Variants in ITGA3 observed in about 807,000 individuals in gnomAD.
ITGA3 encodes the protein integrin alpha-3.
In ITGA3, 70 loss-of-function variants were observed where a neutral mutation model predicts 131.1. The observed-to-expected ratio is 0.53, with a 90% CI of 0.44 to 0.65. The LOEUF (loss-of-function observed/expected upper bound fraction) is 0.65. Among genes scored for constraint, ITGA3 ranks in the 30% least tolerant of loss-of-function variants. The probability of loss-of-function intolerance (pLI) is 0.00; values close to 1 mark genes in which losing one functional copy is unlikely to be tolerated. For missense variants in ITGA3, 1,098 were observed against 1,388.6 expected, an observed-to-expected ratio of 0.79 and a Z score of 3.33; for synonymous variants, 537 against 571.6, an observed-to-expected ratio of 0.94 and a Z score of 0.86.
At chr17:50,058,979 G>A (rs768546488) in intron 1 of ITGA3, among the ~76,000 whole-genome samples, 2 of 152,204 alleles carry the variant, frequency 1.3e-5, no homozygotes, top group Non-Finnish European at 2.9e-5. Flanking sequence ...CACTGCCCTG[G>A]GGGTGGGAGG....
chr17:50,081,207 A>T, intron 22 of ITGA3, 103 bp from the exon 23 acceptor site: 1 of 686,934 alleles, frequency 1.5e-6, no homozygotes, highest in Non-Finnish European at 2.6e-6. Flanking sequence ...CTGTTTAAGG[A>T]TGCTACTTGG....
rs899674010 is a variant in ITGA3 at position 50,056,775 on chromosome 17, G to C, written c.206+130G>C. Reference sequence around the variant, plus strand: ...AGGATTAAGGGGCGGCCCTCTGGCTGCTGGGGGTTGGCGGGAAGTGGAGGA... The same window carrying C: ...AGGATTAAGGGGCGGCCCTCTGGCTCCTGGGGGTTGGCGGGAAGTGGAGGA... On this transcript the variant is annotated intron_variant, in intron 1 of 25. Transcript: ENST00000320031. The surrounding 1 kb of genome is among the most constrained non-coding windows in gnomAD (Gnocchi z 5.6). 3.3e-6 allele frequency: 3 copies of C among 912,464 alleles called. No individual in the cohort carries two copies. In the South Asian group the frequency reaches 5.2e-5, roughly 16 times the overall value. The allele number at this position is 912,464 out of a possible 1,614,324, so 56.5% of individuals were successfully genotyped here. A position where few individuals can be genotyped will look rare whatever the true frequency, so the allele number is the denominator to read the frequency against.
intron 14 of ITGA3, 49 bp downstream of exon 14, chr17:50,076,730 C>G (rs111228353): frequency 1.2e-5 from 18 of 1,486,378 alleles, no homozygotes; most frequent in Non-Finnish European, 1.7e-5. Context: ...TGGGACGGGG[C>G]CTCATTAACT....
chr17:50,058,174 C>G (rs1297408297), intron 1 of ITGA3, among the ~76,000 whole-genome samples: 1 of 152,232 alleles, frequency 6.6e-6, no homozygotes, highest in Non-Finnish European at 1.5e-5. Context: ...CAAGATATTT[C>G]CCCTCCCTGG....
chr17:50,090,164 A>AG lies in ITGA3; in HGVS notation c.*1091dup. ...AGCGACACTTGAATGTAGAATAGGC[A>AG]GGGGGCCCTGCCCCACCCCATCCAG... On this transcript the variant is annotated 3_prime_UTR_variant, in exon 26 of 26. Coordinates refer to ENST00000320031, the MANE Select transcript of ITGA3 (RefSeq NM_002204.4). 2.3e-6 allele frequency: 1 copy of AG among 443,710 alleles called. No homozygotes were observed. The allele number at this position is 443,710 out of a possible 1,614,324, so 27.5% of individuals were successfully genotyped here.
At chr17:50,077,520 A>G in intron 16 of ITGA3, 73 bp downstream of exon 16, 1 of 1,185,996 alleles carries the variant, frequency 8.4e-7, no homozygotes, top group Non-Finnish European at 1.3e-6. Flanking sequence ...TTGTCCTTCC[A>G]GCCTCTGCCT....
At chr17:50,076,182 C>G (rs1199096892) in intron 12 of ITGA3, 144 bp from the exon 13 acceptor site, 3 of 879,362 alleles carry the variant, frequency 3.4e-6, no homozygotes, top group Non-Finnish European at 5.1e-6. Context: ...ATTTGGCGAC[C>G]GGACTGGAGG....
chr17:50,064,813 G>T lies in ITGA3; in HGVS notation c.414+206G>T, dbSNP rs150015097. ...GTATCCTGTGCTCTCCCAAACCCCC[G>T]CACGGCCTGAGTTCTCTGACTCATC... On this transcript the variant is annotated intron_variant, in intron 3 of 25. Transcript: ENST00000320031. This position sits in a 1 kb window ranked among gnomAD's most constrained non-coding sequence, Gnocchi z 4.4. 5 of 522,754 alleles carry T rather than the reference G, an allele frequency of 9.6e-6. No individual in the cohort carries two copies. Among genetic ancestry groups the T allele is most frequent in the Non-Finnish European group, 1.7e-5 (5 of 295,174 alleles). The allele number at this position is 522,754 out of a possible 1,614,324, so 32.4% of individuals were successfully genotyped here.
In ITGA3 at chr17:50,072,154, T is replaced by C. The variant is rs1052867931; in HGVS notation, c.1128T>C (p.Ile376=). Residue 376 remains isoleucine (I), a synonymous_variant, in exon 7 of 26, where the codon ATT becomes ATC. Coordinates refer to ENST00000320031, the MANE Select transcript of ITGA3 (RefSeq NM_002204.4). Reference sequence around the variant, plus strand: ...CCTTTGGTTTATCTGTGGCCAGCATTGGTGACATCAACCAGGATGGATTTC... The same window carrying C: ...CCTTTGGTTTATCTGTGGCCAGCATCGGTGACATCAACCAGGATGGATTTC... ...GSAFGLSVAS[I]GDINQDGFQD... 6.2e-7 allele frequency: 1 copy of C among 1,613,678 alleles called. No homozygotes were observed. The highest frequency in any genetic ancestry group is 2.2e-5 in the East Asian group (1 of 44,872).
chr17:50,088,296 C>T lies in ITGA3; in HGVS notation c.3117C>T (p.Ser1039=), dbSNP rs1313903655. Residue 1039 remains serine, a synonymous_variant, in exon 25 of 26, where the codon AGC becomes AGT. Coordinates refer to ENST00000320031, the MANE Select transcript of ITGA3 (RefSeq NM_002204.4). ...EAKRQKAEMK[S]QPSETERLTD... is the part of the protein sequence containing the mutation. ...AGAGGCAGAAGGCGGAGATGAAGAG[C>T]CAGCCGTCAGAGACAGAGAGGCTGA... 1.4e-5 allele frequency: 22 copies of T among 1,588,888 alleles called. No homozygotes were observed. Among genetic ancestry groups the T allele is most frequent in the Non-Finnish European group, 1.9e-5 (22 of 1,167,890 alleles).
At position 50,071,349 on chromosome 17, in the gene ITGA3, A is replaced by C; in HGVS notation, c.790A>C (p.Lys264Gln). The C allele has an allele frequency of 6.2e-7, 1 of 1,613,980 alleles. No homozygotes were observed. The highest frequency in any genetic ancestry group is 8.5e-7 in the Non-Finnish European group (1 of 1,179,978). Residue 264 changes from lysine to glutamine, a missense_variant, in exon 6 of 26, where the codon AAA (lysine) becomes CAA (glutamine). Physicochemically the swap from Lys to Gln is moderately conservative, Grantham distance 53. Around this residue, in one of 3 missense-constraint regions of ITGA3, gnomAD observed 356 missense variants for 529.2 expected, o/e 0.67. Coordinates refer to ENST00000320031, the MANE Select transcript of ITGA3 (RefSeq NM_002204.4). ...MQVGSFILHP[K>Q]NITIVTGAPR... ...GGTAGGCAGCTTCATCCTGCACCCC[A>C]AAAACATCACCATTGTGACAGGTGC...
intron 3 of ITGA3, 108 bp from the exon 4 acceptor site, chr17:50,067,948 T>C (rs1355370068): frequency 7.1e-7 from 1 of 1,417,764 alleles, no homozygotes; most frequent in Non-Finnish European, 9.6e-7. Context: ...AGCCAGGAGA[T>C]CTCCTTTGAC....
At chr17:50,061,866 C>T (rs980292154) in intron 1 of ITGA3, among the ~76,000 whole-genome samples, 2 of 151,938 alleles carry the variant, frequency 1.3e-5, no homozygotes, top group African/African-American at 2.4e-5. Context: ...ATGGCGAAAC[C>T]CCATCTCTAG....
At chr17:50,070,644 CAAA>C (rs59600840) in intron 4 of ITGA3, among the ~76,000 whole-genome samples, 197 bp from the exon 5 acceptor site, 14 of 69,422 alleles carry the variant, frequency 2.0e-4, no homozygotes, top group Non-Finnish European at 3.5e-4. Context: ...AAGACTGTCT[CAAA>C]AAAAAAAAAA....
intron 23 of ITGA3, among the ~76,000 whole-genome samples, chr17:50,082,580 G>C (rs1909234014): frequency 6.6e-6 from 1 of 152,060 alleles, no homozygotes; most frequent in Non-Finnish European, 1.5e-5. Flanking sequence ...CCAAAACACT[G>C]GGATTACAGG....
At chr17:50,079,665 A>G in intron 21 of ITGA3, 108 bp downstream of exon 21, 1 of 1,244,814 alleles carries the variant, frequency 8.0e-7, no homozygotes, top group Non-Finnish European at 1.0e-6. Flanking sequence ...TGAGGTGATG[A>G]GGCCCCTGCT....
chr17:50,061,535 G>A (rs1199428294), intron 1 of ITGA3, among the ~76,000 whole-genome samples: 2 of 84,690 alleles, frequency 2.4e-5, no homozygotes, highest in Non-Finnish European at 4.2e-5. Flanking sequence ...TAGTGTCACT[G>A]TAGAAAATTC....
At chr17:50,073,630 A>G (rs984102190) in intron 7 of ITGA3, among the ~76,000 whole-genome samples, 17 of 142,264 alleles carry the variant, frequency 1.2e-4, no homozygotes, top group Admixed American at 4.4e-4. Context: ...ACACACACAC[A>G]CACGCACACA....
chr17:50,073,395 T>TG (rs1908715038), intron 7 of ITGA3, among the ~76,000 whole-genome samples: 3 of 152,058 alleles, frequency 2.0e-5, no homozygotes, highest in Admixed American at 2.0e-4. Context: ...ATCTATAAAG[T>TG]GGGGGGATAA....
Sources: gnomAD v4.1 joint callset for allele counts (sites outside exome capture counted in the v4.1 genomes callset) on GRCh38, gnomAD v4.1.1 for gene constraint, gnomAD v4.1.1 regional missense constraint, Gnocchi (gnomAD v3.1) non-coding constraint, MANE v1.5 for transcripts, NCBI Gene and HGNC (gene_info 2026-07-23, HGNC 2026-07-21) for gene names.